Variants in REXO5 observed in about 807,000 individuals in gnomAD.
The protein encoded by REXO5 is exonuclease NEF-sp.
In REXO5, 48 loss-of-function variants were observed where a neutral mutation model predicts 88.5. The observed-to-expected ratio is 0.54, with a 90% CI of 0.43 to 0.69. REXO5 has a LOEUF of 0.69. REXO5 is among the 30% of genes least tolerant of loss of function. The pLI is 0.00. For missense variants in REXO5, 749 were observed against 912.2 expected, an observed-to-expected ratio of 0.82 and a Z score of 2.30; for synonymous variants, 311 against 336.5, an observed-to-expected ratio of 0.92 and a Z score of 0.83.
intron 5 of REXO5, among the ~76,000 whole-genome samples, chr16:20,817,116 ATAAT>A (rs1323667048): frequency 2.0e-5 from 3 of 152,250 alleles, no homozygotes; most frequent in African/African-American, 4.8e-5. Flanking sequence ...GTGTTCAGAA[ATAAT>A]TAATTGAATA....
In REXO5 at chr16:20,832,143, T is replaced by A. The variant is rs777852663; in HGVS notation, c.1159-13T>A. On this transcript the variant is annotated splice_polypyrimidine_tract_variant and intron_variant, in intron 11 of 19. Coordinates refer to ENST00000261377, the MANE Select transcript of REXO5 (RefSeq NM_030941.3). The stretch of plus-strand genomic sequence containing the variant: ...GCAAGCAATTATATTTTTACCACTT[T>A]GTTTTCTTCAAGATTGCAGAACTAA... The A allele has an allele frequency of 6.5e-7, 1 of 1,547,962 alleles. No homozygotes were observed. Among genetic ancestry groups the A allele is most frequent in the South Asian group, 1.2e-5 (1 of 86,546 alleles).
chr16:20,848,149 C>T (rs1323011498), intron 19 of REXO5, among the ~76,000 whole-genome samples: 1 of 152,166 alleles, frequency 6.6e-6, no homozygotes, highest in Non-Finnish European at 1.5e-5. Flanking sequence ...CATGCATTTC[C>T]CCAGGCTGTG....
intron 2 of REXO5, among the ~76,000 whole-genome samples, chr16:20,809,694 T>C (rs2152499067): frequency 6.6e-6 from 1 of 152,360 alleles, no homozygotes; most frequent in South Asian, 2.1e-4. Flanking sequence ...AGATAGTTTC[T>C]ACTAAAGTTC....
intron 11 of REXO5, among the ~76,000 whole-genome samples, chr16:20,830,751 C>T (rs1368487206): frequency 1.3e-5 from 2 of 152,072 alleles, no homozygotes; most frequent in African/African-American, 2.4e-5. Context: ...TAACTTCAGG[C>T]ATCTCTGGTT....
chr16:20,825,067 G>A (rs28553536), intron 7 of REXO5, among the ~76,000 whole-genome samples: 28,350 of 152,004 alleles, frequency 0.19, 2,993 homozygotes, highest in African/African-American at 0.29. Context: ...TTTGCATGTT[G>A]CTAGAAGTTG....
chr16:20,819,619 G>T lies in REXO5; in HGVS notation c.476-2143G>T, dbSNP rs527457400. Among the ~76,000 whole-genome samples, 278 of 151,704 alleles carry T rather than the reference G, an allele frequency of 1.8e-3. No individual in the cohort carries two copies. In the Middle Eastern group the frequency reaches 0.02, roughly 11 times the overall value. ...AAAAATACAAAATTAGCCGGGCGTG[G>T]TGGTACATGCCTGTAATCCCAGCTA... On this transcript the variant is annotated intron_variant, in intron 5 of 19. Transcript: ENST00000261377.
At position 20,832,144 on chromosome 16, in the gene REXO5, G is replaced by T. The variant is rs754001968; in HGVS notation, c.1159-12G>T. 3 of 1,552,274 alleles carry T rather than the reference G, an allele frequency of 1.9e-6. No individual in the cohort carries two copies. The highest frequency in any genetic ancestry group is 1.2e-5 in the South Asian group (1 of 86,614). On this transcript the variant is annotated splice_polypyrimidine_tract_variant and intron_variant, in intron 11 of 19. Transcript: ENST00000261377. ...CAAGCAATTATATTTTTACCACTTT[G>T]TTTTCTTCAAGATTGCAGAACTAAA...
At position 20,845,148 on chromosome 16, in the gene REXO5, C is replaced by A. The variant is rs1405873034; in HGVS notation, c.2031C>A (p.His677Gln). ...LKGRHALTPR[H>Q]LHAWLRGLPP... ...GCAGGCATGCCCTAACCCCCAGGCA[C>A]CTCCATGCCTGGCTCAGAGGCTTAC... Residue 677 changes from histidine to glutamine, a missense_variant, in exon 18 of 20, where the codon CAC becomes CAA. Transcript: ENST00000261377. 10 of 1,613,934 alleles carry A rather than the reference C, an allele frequency of 6.2e-6. No homozygotes were observed. Among genetic ancestry groups the A allele is most frequent in the Non-Finnish European group, 8.5e-6 (10 of 1,179,928 alleles).
intron 5 of REXO5, chr16:20,821,167 T>C (rs2081178408): frequency 6.6e-6 from 1 of 152,242 alleles, no homozygotes; most frequent in East Asian, 1.9e-4. Flanking sequence ...CTGAATTCTG[T>C]CTTTTTTTTA....
chr16:20,841,778 G>A (rs942140842), intron 15 of REXO5, among the ~76,000 whole-genome samples: 2 of 152,054 alleles, frequency 1.3e-5, no homozygotes, highest in African/African-American at 4.8e-5. Flanking sequence ...GCTAATTTTT[G>A]TATTTTTAGT....
At chr16:20,837,061 C>T (rs531323712) in intron 13 of REXO5, among the ~76,000 whole-genome samples, 1 of 152,134 alleles carries the variant, frequency 6.6e-6, no homozygotes, top group South Asian at 2.1e-4. Context: ...ATATTTTCTC[C>T]CAGTCTGGCT....
At chr16:20,835,192 T>C (rs2081407739) in intron 13 of REXO5, among the ~76,000 whole-genome samples, 1 of 152,134 alleles carries the variant, frequency 6.6e-6, no homozygotes, top group African/African-American at 2.4e-5. Context: ...TTTCTTATGT[T>C]GCCTAGGCTG....
chr16:20,831,740 A>G (rs930786891), intron 11 of REXO5, among the ~76,000 whole-genome samples: 2 of 151,988 alleles, frequency 1.3e-5, no homozygotes, highest in Non-Finnish European at 2.9e-5. Flanking sequence ...TAGTCTTTTT[A>G]AAAAATTTTC....
At chr16:20,810,675 C>T (rs1026401692) in intron 2 of REXO5, among the ~76,000 whole-genome samples, 7 of 152,290 alleles carry the variant, frequency 4.6e-5, no homozygotes, top group East Asian at 3.9e-4. Context: ...GGATTACAGG[C>T]GTGAACCACC....
chr16:20,844,799 GCCTAAAGATCTTA>G lies in REXO5; in HGVS notation c.1891_1903del (p.Pro631LysfsTer11). 1 of 1,614,100 alleles carries G rather than the reference GCCTAAAGATCTTA, an allele frequency of 6.2e-7. No homozygotes were observed. Among genetic ancestry groups the G allele is most frequent in the Non-Finnish European group, 8.5e-7 (1 of 1,179,998 alleles). On this transcript the variant is annotated frameshift_variant, in exon 17 of 20. Coordinates refer to ENST00000261377, the MANE Select transcript of REXO5 (RefSeq NM_030941.3). LOFTEE classifies it high-confidence loss of function. ...TTCTTGGCCTGGAAGCTGTGATCTTGCCTAAAGATCTTAAAAGTGGAAAGCAGAAAAAATACTG... is the reference window on the plus strand; with the variant it reads ...TTCTTGGCCTGGAAGCTGTGATCTTGAAAGTGGAAAGCAGAAAAAATACTG...
chr16:20,840,542 A>T (rs774557677), intron 15 of REXO5, 74 bp downstream of exon 15: 12 of 1,300,096 alleles, frequency 9.2e-6, no homozygotes, highest in Admixed American at 2.2e-5. Flanking sequence ...GGCCATGCAG[A>T]TAGCAAATAT....
chr16:20,838,057 G>A (rs994546438), intron 13 of REXO5, among the ~76,000 whole-genome samples: 22 of 152,086 alleles, frequency 1.4e-4, no homozygotes, highest in African/African-American at 3.6e-4. Context: ...ATGAGCCACC[G>A]CGCCCAGCTG....
rs140584442 is a variant in REXO5, at chr16:20,824,966, G to A, written c.705+439G>A. Among the ~76,000 whole-genome samples, 1,311 of 151,888 alleles carry A rather than the reference G, an allele frequency of 8.6e-3. 18 individuals are homozygous for A. The highest frequency in any genetic ancestry group is 0.029 in the African/African-American group (1,190 of 41,376). On this transcript the variant is annotated intron_variant, in intron 7 of 19. Transcript: ENST00000261377. ...AGAGGTTGCAGTGAGCTGAGATAGC[G>A]CCACTGCACTCCAGCCTGGCGACAG...
Position 20,822,845 on chromosome 16 carries a change from G to A in REXO5, c.616+943G>A, listed in dbSNP as rs1290513886. Among the ~76,000 whole-genome samples the A allele has an allele frequency of 2.6e-5, 4 of 152,204 alleles. No homozygotes were observed. The East Asian group carries it at 7.7e-4, about 29-fold the overall frequency. Reference sequence around the variant, plus strand: ...ACTTTTTAGTTAATAATGCTGCTATGAATATTCAGGTCCAAGTTTTTTGTG... The same window carrying A: ...ACTTTTTAGTTAATAATGCTGCTATAAATATTCAGGTCCAAGTTTTTTGTG... On this transcript the variant is annotated intron_variant, in intron 6 of 19. Coordinates refer to ENST00000261377, the MANE Select transcript of REXO5 (RefSeq NM_030941.3).
Sources: allele counts gnomAD v4.1 joint callset (sites outside exome capture counted in the v4.1 genomes callset), GRCh38; gene constraint gnomAD v4.1.1; transcripts MANE v1.5; gene names NCBI Gene and HGNC (gene_info 2026-07-23, HGNC 2026-07-21).